The following PPARGC1A variants were observed in gnomAD, a reference collection of about 807,000 sequenced individuals.
PPARGC1A encodes PPARG coactivator 1 alpha.
A neutral mutation model predicts 88.7 loss-of-function variants in PPARGC1A; 25 were observed. The ratio of observed to expected loss-of-function variants is 0.28; its 90% CI spans 0.21 to 0.39. PPARGC1A has a LOEUF of 0.39. PPARGC1A is among the 10% of genes least tolerant of loss of function. The pLI is 1.00. For missense variants in PPARGC1A, 880 were observed against 968.7 expected (o/e 0.91, Z 1.22); for synonymous variants, 363 against 355.6 (o/e 1.02, Z -0.24).
chr4:24,470,709 C>A, the PPARGC1A span, among the ~76,000 whole-genome samples: 1 of 151,898 alleles, frequency 6.6e-6, no homozygotes, highest in Non-Finnish European at 1.5e-5. The surrounding 1 kb of genome is among the most constrained non-coding windows in gnomAD (Gnocchi z 5.8). Context: ...GCAGCCCAGA[C>A]GCCCCCACCC....
At chr4:24,021,280 C>T in the PPARGC1A span, among the ~76,000 whole-genome samples, 1 of 152,218 alleles carries the variant, frequency 6.6e-6, no homozygotes, top group East Asian at 1.9e-4. Context: ...AGCATTCTAT[C>T]CTATCTCAGA....
At chr4:23,822,465 A>T (rs1723175460) in intron 7 of PPARGC1A, among the ~76,000 whole-genome samples, 1 of 152,070 alleles carries the variant, frequency 6.6e-6, no homozygotes, top group Non-Finnish European at 1.5e-5. Context: ...TCAGTCCTTT[A>T]ACTGCCTTTA....
chr4:24,000,494 CTT>C, the PPARGC1A span, among the ~76,000 whole-genome samples: 7 of 116,784 alleles, frequency 6.0e-5, no homozygotes, highest in African/African-American at 2.1e-4. Context: ...CCAAATACAT[CTT>C]AAAAATGCAG....
chr4:24,032,523 C>G, the PPARGC1A span, among the ~76,000 whole-genome samples: 2 of 152,332 alleles, frequency 1.3e-5, no homozygotes, highest in East Asian at 3.9e-4. Context: ...CACCTTCTGG[C>G]CTTTCAGACA....
chr4:24,069,177 A>C, the PPARGC1A span, among the ~76,000 whole-genome samples: 2 of 152,230 alleles, frequency 1.3e-5, no homozygotes, highest in African/African-American at 4.8e-5. Flanking sequence ...GGTCTTGCAT[A>C]TAGTCACATG....
the PPARGC1A span, among the ~76,000 whole-genome samples, chr4:24,016,355 A>C: frequency 6.6e-6 from 1 of 152,214 alleles, no homozygotes; most frequent in African/African-American, 2.4e-5. Context: ...CCAATCGGCC[A>C]AATCTAACCC....
the PPARGC1A span, among the ~76,000 whole-genome samples, chr4:23,926,322 T>C: frequency 6.6e-6 from 1 of 152,180 alleles, no homozygotes; most frequent in Non-Finnish European, 1.5e-5. Flanking sequence ...CCTGCCTGTG[T>C]TCTTTGCATC....
the PPARGC1A span, among the ~76,000 whole-genome samples, chr4:24,151,577 T>C: frequency 6.6e-6 from 1 of 152,200 alleles, no homozygotes; most frequent in South Asian, 2.1e-4. Context: ...TGAGAAAACA[T>C]ACTTTTGTGC....
the PPARGC1A span, among the ~76,000 whole-genome samples, chr4:24,008,337 C>T: frequency 1.3e-5 from 2 of 152,146 alleles, no homozygotes; most frequent in Non-Finnish European, 2.9e-5. Flanking sequence ...CAGAAAAGAT[C>T]CTTAGGAGCT....
chr4:24,361,826 G>A, the PPARGC1A span, among the ~76,000 whole-genome samples: 1 of 152,224 alleles, frequency 6.6e-6, no homozygotes, highest in Non-Finnish European at 1.5e-5. Flanking sequence ...CAGAAAGCTT[G>A]TTCTGACATC....
the PPARGC1A span, among the ~76,000 whole-genome samples, chr4:24,426,622 G>C: frequency 3.9e-5 from 6 of 152,214 alleles, 1 homozygote; most frequent in East Asian, 1.2e-3. Flanking sequence ...AACCGGCAGT[G>C]ACCTTAAAAC....
the PPARGC1A span, among the ~76,000 whole-genome samples, chr4:24,311,476 A>G: frequency 6.6e-6 from 1 of 151,208 alleles, no homozygotes; most frequent in Non-Finnish European, 1.5e-5. Context: ...TCTACTAAAA[A>G]AAAAATACAA....
intron 2 of PPARGC1A, among the ~76,000 whole-genome samples, chr4:23,875,285 TG>T (rs1714464440): frequency 6.6e-6 from 1 of 152,206 alleles, no homozygotes; most frequent in Non-Finnish European, 1.5e-5. Flanking sequence ...GTTTCTTTTT[TG>T]TTTATTTGCT....
At chr4:24,397,339 A>G in the PPARGC1A span, among the ~76,000 whole-genome samples, 4 of 152,322 alleles carry the variant, frequency 2.6e-5, no homozygotes, top group East Asian at 3.9e-4. Flanking sequence ...CTGAGATGCA[A>G]ACATGAGGAG....
chr4:24,342,765 G>A, the PPARGC1A span, among the ~76,000 whole-genome samples: 1 of 152,182 alleles, frequency 6.6e-6, no homozygotes, highest in Non-Finnish European at 1.5e-5. Context: ...CTGACCTTGA[G>A]CCTGGATTGA....
the PPARGC1A span, among the ~76,000 whole-genome samples, chr4:24,385,448 C>A: frequency 7.9e-5 from 12 of 152,110 alleles, no homozygotes; most frequent in Non-Finnish European, 8.8e-5. Context: ...CTCAATGAAT[C>A]CAGGAGCTGG....
chr4:24,337,466 A>T, the PPARGC1A span, among the ~76,000 whole-genome samples: 6,595 of 150,306 alleles, frequency 0.044, 511 homozygotes, highest in African/African-American at 0.15. Context: ...ACATGAAAAT[A>T]AGACATGAAA....
chr4:23,967,650 C>A, the PPARGC1A span, among the ~76,000 whole-genome samples: 1 of 152,154 alleles, frequency 6.6e-6, no homozygotes, highest in Non-Finnish European at 1.5e-5. Flanking sequence ...ATCTGAACCT[C>A]CAAAGTCATT....
chr4:24,350,744 A>G, the PPARGC1A span, among the ~76,000 whole-genome samples: 1 of 152,278 alleles, frequency 6.6e-6, no homozygotes, highest in African/African-American at 2.4e-5. Context: ...CTCATTCACT[A>G]CCGGCAGAAC....
Sources: gnomAD v4.1 joint callset for allele counts (sites outside exome capture counted in the v4.1 genomes callset) on GRCh38, gnomAD v4.1.1 for gene constraint, Gnocchi (gnomAD v3.1) non-coding constraint, MANE v1.5 for transcripts, NCBI Gene and HGNC (gene_info 2026-07-23, HGNC 2026-07-21) for gene names.